Variants in TRAF1 observed in about 807,000 individuals in gnomAD.
TRAF1 encodes TNF receptor-associated factor 1.
Under a neutral mutation model 40.9 loss-of-function variants are expected in TRAF1, and 23 were observed. The ratio of observed to expected loss-of-function variants is 0.56; its 90% CI spans 0.40 to 0.80. TRAF1 has a LOEUF of 0.80. TRAF1 is among the 30% of genes least tolerant of loss of function. The probability of loss-of-function intolerance (pLI) is 0.00; values close to 1 mark genes in which losing one functional copy is unlikely to be tolerated. For synonymous variants in TRAF1, 206 were observed against 218.8 expected, an observed-to-expected ratio of 0.94 and a Z score of 0.52; for missense variants, 477 against 528.7, an observed-to-expected ratio of 0.90 and a Z score of 0.96.
intron 3 of TRAF1, among the ~76,000 whole-genome samples, chr9:120,920,805 A>C (rs1051110286): frequency 1.3e-5 from 2 of 152,198 alleles, no homozygotes; most frequent in Admixed American, 6.5e-5. Context: ...AGTGTTTGCA[A>C]GGAGGGCTGG....
chr9:120,924,034 C>G (rs913309862), intron 2 of TRAF1, among the ~76,000 whole-genome samples: 7 of 152,162 alleles, frequency 4.6e-5, no homozygotes, highest in African/African-American at 7.2e-5. Context: ...TATTATAGCC[C>G]TTACTTGCCC....
At chr9:120,908,641 C>G (rs1330715996) in intron 7 of TRAF1, among the ~76,000 whole-genome samples, 1 of 152,104 alleles carries the variant, frequency 6.6e-6, no homozygotes. Flanking sequence ...CTAACTGCAA[C>G]CTCCGCCTCC....
At position 120,906,475 on chromosome 9, in the gene TRAF1, G is replaced by A. The variant is rs368770656; in HGVS notation, c.1033-1237C>T. On this transcript the variant is annotated intron_variant, in intron 7 of 7. Transcript: ENST00000373887. ...ATTACAGGCGTGCGCCACCATACCC[G>A]GCAAAGAATTTTTAATAGATTGTAT... is the stretch of plus-strand genomic sequence containing the variant. Among the ~76,000 whole-genome samples the A allele has an allele frequency of 5.3e-5, 8 of 152,144 alleles. No homozygotes were observed. In the South Asian group the frequency reaches 6.2e-4, roughly 12 times the overall value.
intron 3 of TRAF1, among the ~76,000 whole-genome samples, chr9:120,918,460 TA>T (rs1275937804): frequency 6.6e-6 from 1 of 151,962 alleles, no homozygotes; most frequent in Non-Finnish European, 1.5e-5. Context: ...GTATTACTAC[TA>T]ATTAGTATTC....
intron 2 of TRAF1, among the ~76,000 whole-genome samples, chr9:120,925,658 CCAG>C (rs2046634195): frequency 2.6e-5 from 4 of 152,232 alleles, no homozygotes; most frequent in African/African-American, 7.2e-5. Flanking sequence ...TAGCAGAGCA[CCAG>C]ACCACACAGT....
chr9:120,906,544 TAC>T (rs1260984917), intron 7 of TRAF1, among the ~76,000 whole-genome samples: 3 of 152,166 alleles, frequency 2.0e-5, no homozygotes, highest in Non-Finnish European at 4.4e-5. Context: ...GATTAGAAAA[TAC>T]AGAGTTCCCA....
rs566576796 is a variant in TRAF1, at chr9:120,905,818, C to T, written c.1033-580G>A. On this transcript the variant is annotated intron_variant, in intron 7 of 7. Coordinates refer to ENST00000373887, the MANE Select transcript of TRAF1 (RefSeq NM_005658.5). ...GTGACACAAACCCTCTTCCCTGGCA[C>T]ATGCCCCTGAAATGTCCATCAGGAA... Among the ~76,000 whole-genome samples, 23 of 152,372 alleles carry T rather than the reference C, an allele frequency of 1.5e-4. No individual in the cohort carries two copies. The South Asian group carries it at 4.6e-3, about 30-fold the overall frequency.
chr9:120,915,480 T>C (rs919964627), intron 3 of TRAF1, among the ~76,000 whole-genome samples: 4 of 152,178 alleles, frequency 2.6e-5, no homozygotes, highest in Non-Finnish European at 5.9e-5. Context: ...TCATAAAGGC[T>C]TGTATCCAGA....
chr9:120,913,188 G>C, intron 5 of TRAF1, 140 bp downstream of exon 5: 1 of 1,083,620 alleles, frequency 9.2e-7, no homozygotes, highest in South Asian at 1.7e-5. Context: ...TCCTGGAAGG[G>C]TGTGGGATAA....
At chr9:120,924,868 G>A (rs1274468039) in intron 2 of TRAF1, among the ~76,000 whole-genome samples, 1 of 152,206 alleles carries the variant, frequency 6.6e-6, no homozygotes, top group African/African-American at 2.4e-5. Context: ...AGCTCTTCAG[G>A]ACTTAGGCCT....
rs546724165 is a variant in TRAF1 at position 120,923,757 on chromosome 9, C to A, written c.176G>T (p.Gly59Val). The change falls in exon 3 of 8, where the codon GGG (glycine) becomes GTG (valine). Residue 59 changes from glycine (G) to valine (V), a missense_variant. Transcript: ENST00000373887. ...GEDQICPKCR[G>V]EDLQSISPGS... Reference sequence around the variant, plus strand: ...TGGGCTTATAGACTGGAGGTCTTCCCCTCTGCATTTGGGGCAGATCTGATC... The same window carrying A: ...TGGGCTTATAGACTGGAGGTCTTCCACTCTGCATTTGGGGCAGATCTGATC... The A allele has an allele frequency of 1.2e-6, 2 of 1,614,160 alleles. No individual in the cohort carries two copies. Among genetic ancestry groups the A allele is most frequent in the South Asian group, 2.2e-5 (2 of 91,082 alleles).
rs376429758 is a variant in TRAF1 at position 120,905,039 on chromosome 9, A to G, written c.1232T>C (p.Ile411Thr). 1.7e-5 allele frequency: 28 copies of G among 1,613,970 alleles called. No individual in the cohort carries two copies. The highest frequency in any genetic ancestry group is 2.4e-5 in the Non-Finnish European group (28 of 1,180,020). ...CCCACCCTAAGTGCTGGTCTCCACAATGCACTTGAGGAACATTGTGTCGTC... is the reference window on the plus strand; with the variant it reads ...CCCACCCTAAGTGCTGGTCTCCACAGTGCACTTGAGGAACATTGTGTCGTC... ...VKDDTMFLKC[I>T]VETST Residue 411 changes from isoleucine to threonine, a missense_variant, in exon 8 of 8, where the codon ATT becomes ACT. Coordinates refer to ENST00000373887, the MANE Select transcript of TRAF1 (RefSeq NM_005658.5).
At chr9:120,925,430 G>C (rs763462343) in intron 2 of TRAF1, among the ~76,000 whole-genome samples, 21 of 152,240 alleles carry the variant, frequency 1.4e-4, no homozygotes, top group African/African-American at 4.3e-4. Context: ...AATATATATC[G>C]ATCTCTTTGT....
chr9:120,913,810 C>T (rs1326427061), intron 4 of TRAF1, 72 bp from the exon 5 acceptor site: 1 of 1,451,460 alleles, frequency 6.9e-7, no homozygotes, highest in African/African-American at 1.4e-5. Context: ...GAGTGCCCTG[C>T]TATCAAAGGT....
chr9:120,920,974 C>T (rs1283574973), intron 3 of TRAF1, among the ~76,000 whole-genome samples: 1 of 152,126 alleles, frequency 6.6e-6, no homozygotes, highest in African/African-American at 2.4e-5. Flanking sequence ...CAGAGGAGTC[C>T]CTGGTCCTTC....
At position 120,916,460 on chromosome 9, in the gene TRAF1, C is replaced by T. The variant is rs201735211; in HGVS notation, c.229-2160G>A. Reference sequence around the variant, plus strand: ...ATAAATAAAATCTTGATTCTATAAGCGCTTTGTTATTTATTTATTTTTTTT... The same window carrying T: ...ATAAATAAAATCTTGATTCTATAAGTGCTTTGTTATTTATTTATTTTTTTT... On this transcript the variant is annotated intron_variant, in intron 3 of 7. Coordinates refer to ENST00000373887, the MANE Select transcript of TRAF1 (RefSeq NM_005658.5). Among the ~76,000 whole-genome samples, 30 of 152,026 alleles carry T rather than the reference C, an allele frequency of 2.0e-4. No individual in the cohort carries two copies. In the East Asian group the frequency reaches 5.6e-3, roughly 28 times the overall value.
chr9:120,917,280 T>A (rs1376966768), intron 3 of TRAF1, among the ~76,000 whole-genome samples: 1 of 152,136 alleles, frequency 6.6e-6, no homozygotes, highest in Admixed American at 6.5e-5. Flanking sequence ...CATTATTCAT[T>A]CCTTAGAGTG....
chr9:120,914,354 G>A (rs1334867511), intron 3 of TRAF1, 54 bp from the exon 4 acceptor site: 2 of 1,377,096 alleles, frequency 1.5e-6, no homozygotes, highest in Non-Finnish European at 1.9e-6. Context: ...TGGCTACCCT[G>A]GGGCTCTCTT....
chr9:120,914,702 C>T (rs1564119341), intron 3 of TRAF1: 1 of 427,956 alleles, frequency 2.3e-6, no homozygotes, highest in African/African-American at 2.1e-5. Flanking sequence ...GTAAATGCCT[C>T]CCTCCTCCTG....
Sources: gnomAD v4.1 joint callset for allele counts (sites outside exome capture counted in the v4.1 genomes callset) on GRCh38, gnomAD v4.1.1 for gene constraint, MANE v1.5 for transcripts, NCBI Gene and HGNC (gene_info 2026-07-23, HGNC 2026-07-21) for gene names.